Variants in ACCSL observed in about 807,000 individuals in gnomAD.
ACCSL encodes 1-aminocyclopropane-1-carboxylate synthase homolog (inactive) like, also known as probable inactive 1-aminocyclopropane-1-carboxylate synthase-like protein 2.
ACCSL carries 55 observed loss-of-function variants against 61.7 expected under a neutral mutation model. That is an observed-to-expected ratio of 0.89 (90% CI 0.72 to 1.12). ACCSL has a LOEUF of 1.12. ACCSL is among the 50% of genes most tolerant of loss of function. The probability of loss-of-function intolerance (pLI) is 0.00; values close to 1 mark genes in which losing one functional copy is unlikely to be tolerated. For missense variants in ACCSL, 632 were observed against 698.0 expected, an observed-to-expected ratio of 0.91 and a Z score of 1.07; for synonymous variants, 258 against 264.3, an observed-to-expected ratio of 0.98 and a Z score of 0.23.
chr11:43,944,225 C>T, the ACCSL span: 1 of 173,916 alleles, frequency 5.7e-6, no homozygotes, highest in Admixed American at 5.5e-5. Context: ...GGGTCAGGGT[C>T]CTCGCCCCGC....
At chr11:43,921,934 A>C in the ACCSL span, among the ~76,000 whole-genome samples, 1 of 152,278 alleles carries the variant, frequency 6.6e-6, no homozygotes, top group East Asian at 1.9e-4. Flanking sequence ...GTAAAACTAC[A>C]GGGTGTAGGC....
At chr11:43,942,075 T>C in the ACCSL span, among the ~76,000 whole-genome samples, 22,667 of 138,778 alleles carry the variant, frequency 0.16, 1,821 homozygotes, top group African/African-American at 0.19. Flanking sequence ...TGTGTGTGTG[T>C]GCGCGCGCGC....
the ACCSL span, among the ~76,000 whole-genome samples, chr11:44,038,810 C>A: frequency 6.6e-6 from 1 of 152,302 alleles, no homozygotes; most frequent in Non-Finnish European, 1.5e-5. Flanking sequence ...GAGGAATAGG[C>A]AGGCTTCCAT....
At chr11:43,933,142 A>G in the ACCSL span, 6 of 456,164 alleles carry the variant, frequency 1.3e-5, no homozygotes, top group Admixed American at 1.2e-4. Context: ...ACCTTGGAGC[A>G]TAAGGTAAGT....
At chr11:44,036,394 A>G in the ACCSL span, among the ~76,000 whole-genome samples, 1 of 152,222 alleles carries the variant, frequency 6.6e-6, no homozygotes, top group African/African-American at 2.4e-5. Flanking sequence ...GCTGGGCCTC[A>G]GTTTTGTTAC....
the ACCSL span, among the ~76,000 whole-genome samples, chr11:43,935,881 C>T: frequency 7.2e-5 from 11 of 152,240 alleles, no homozygotes; most frequent in African/African-American, 2.2e-4. Context: ...TTTTAAGGGC[C>T]GACCCCTGTC....
chr11:43,982,090 A>G, the ACCSL span, among the ~76,000 whole-genome samples: 4 of 152,058 alleles, frequency 2.6e-5, no homozygotes, highest in Admixed American at 1.3e-4. Flanking sequence ...ACAGAGCCCA[A>G]GCCTCACCCA....
upstream of ACCSL, among the ~76,000 whole-genome samples, chr11:44,043,210 C>A (rs570359358): frequency 1.8e-4 from 27 of 152,240 alleles, 1 homozygote; most frequent in South Asian, 5.6e-3. Flanking sequence ...TGGCTATCAC[C>A]ATCTACCTAC....
the ACCSL span, among the ~76,000 whole-genome samples, chr11:43,936,845 G>T: frequency 6.6e-6 from 1 of 152,088 alleles, no homozygotes; most frequent in South Asian, 2.1e-4. Context: ...AGGCAGTATG[G>T]GAGCTCGGTC....
At chr11:44,007,628 T>C in the ACCSL span, among the ~76,000 whole-genome samples, 14 of 152,186 alleles carry the variant, frequency 9.2e-5, no homozygotes, top group Admixed American at 3.3e-4. Context: ...AAGGCAGCAC[T>C]TGAACCTTTC....
chr11:43,968,499 C>T, the ACCSL span, among the ~76,000 whole-genome samples: 1 of 152,120 alleles, frequency 6.6e-6, no homozygotes, highest in Non-Finnish European at 1.5e-5. Flanking sequence ...TTTCTGCTTA[C>T]CTTTTTGCTT....
At chr11:44,040,241 A>T in the ACCSL span, among the ~76,000 whole-genome samples, 1 of 152,176 alleles carries the variant, frequency 6.6e-6, no homozygotes, top group Admixed American at 6.5e-5. Context: ...AGTAGTTCTC[A>T]GTAGTTTGTA....
chr11:43,933,279 C>T, the ACCSL span: 1 of 422,548 alleles, frequency 2.4e-6, no homozygotes, highest in South Asian at 1.7e-5. Context: ...CCCTGGACCT[C>T]AGTGTCCCTG....
the ACCSL span, among the ~76,000 whole-genome samples, chr11:43,948,016 T>C: frequency 6.6e-6 from 1 of 152,188 alleles, no homozygotes; most frequent in African/African-American, 2.4e-5. Context: ...TGATGAGTTT[T>C]CAAACAGGCT....
At chr11:43,945,579 C>A in the ACCSL span, 77,331 of 151,144 alleles carry the variant, frequency 0.51, 20,031 homozygotes, top group East Asian at 0.69. Flanking sequence ...GGCAGTGGTT[C>A]ACGCCTGTAA....
At chr11:43,987,551 C>G in the ACCSL span, among the ~76,000 whole-genome samples, 1 of 152,140 alleles carries the variant, frequency 6.6e-6, no homozygotes, top group Non-Finnish European at 1.5e-5. Context: ...CAGCTGCTGT[C>G]TGGGAATGGA....
the ACCSL span, among the ~76,000 whole-genome samples, chr11:43,991,023 A>G: frequency 3.5e-3 from 528 of 152,124 alleles, 4 homozygotes; most frequent in Non-Finnish European, 6.0e-3. Context: ...GTGAGCCCAG[A>G]TCATGCCACT....
the ACCSL span, among the ~76,000 whole-genome samples, chr11:44,042,645 TGTTTG>T: frequency 0.056 from 8,397 of 149,898 alleles, 436 homozygotes; most frequent in African/African-American, 0.13. Flanking sequence ...TTGTTTGTTT[TGTTTG>T]TTTTTTTTGT....
chr11:44,026,001 T>A, the ACCSL span, among the ~76,000 whole-genome samples: 1 of 152,178 alleles, frequency 6.6e-6, no homozygotes, highest in East Asian at 1.9e-4. Context: ...TTGACTAGGG[T>A]GTGTCAAGGT....
Sources: gnomAD v4.1 joint callset for allele counts (sites outside exome capture counted in the v4.1 genomes callset) on GRCh38, gnomAD v4.1.1 for gene constraint, MANE v1.5 for transcripts, NCBI Gene and HGNC (gene_info 2026-07-23, HGNC 2026-07-21) for gene names.